IDH3A: variants seen among roughly 807,000 people sequenced by gnomAD.
IDH3A encodes isocitrate dehydrogenase [NAD] subunit alpha, mitochondrial.
IDH3A carries 23 observed loss-of-function variants against 43.3 expected under a neutral mutation model. That is an observed-to-expected ratio of 0.53 (90% CI 0.38 to 0.75). The LOEUF (loss-of-function observed/expected upper bound fraction) is 0.75, where lower values mean the gene tolerates loss of function less well. Among genes scored for constraint, IDH3A ranks in the 30% least tolerant of loss-of-function variants. The pLI is 0.00. For missense variants in IDH3A, 329 were observed against 474.4 expected, an observed-to-expected ratio of 0.69 and a Z score of 2.85; for synonymous variants, 154 against 163.5, an observed-to-expected ratio of 0.94 and a Z score of 0.44.
intron 9 of IDH3A, among the ~76,000 whole-genome samples, chr15:78,165,941 G>A (rs1263092327): frequency 3.3e-5 from 5 of 152,078 alleles, no homozygotes; most frequent in Admixed American, 2.0e-4. Flanking sequence ...TTCTTGCCTT[G>A]GCCTATCAAC....
At chr15:78,153,951 A>G (rs2074601243) in intron 1 of IDH3A, among the ~76,000 whole-genome samples, 1 of 152,146 alleles carries the variant, frequency 6.6e-6, no homozygotes, top group African/African-American at 2.4e-5. Context: ...TGGTGGTTGC[A>G]GTGAGCCGAG....
intron 3 of IDH3A, among the ~76,000 whole-genome samples, chr15:78,158,400 G>T (rs2074644582): frequency 7.7e-6 from 1 of 129,046 alleles, no homozygotes; most frequent in Non-Finnish European, 1.6e-5. Flanking sequence ...AGGGATGCTT[G>T]TTTATACCTC....
At chr15:78,154,364 A>T (rs2074607354) in intron 1 of IDH3A, 1 of 152,182 alleles carries the variant, frequency 6.6e-6, no homozygotes, top group African/African-American at 2.4e-5. Flanking sequence ...TCTGTATGGC[A>T]TGGGCATCAG....
In IDH3A at chr15:78,169,088, A is replaced by G. The variant is rs922790097; in HGVS notation, c.*83A>G. The stretch of plus-strand genomic sequence containing the variant: ...GTTTAGAATACCTACGTATGTATGC[A>G]TTGGTTTGCTTGTTTCTTGACAGTA... On this transcript the variant is annotated 3_prime_UTR_variant, in exon 11 of 11. Transcript: ENST00000299518. 3.8e-6 allele frequency: 3 copies of G among 792,738 alleles called. No individual in the cohort carries two copies. The highest frequency in any genetic ancestry group is 4.1e-6 in the Non-Finnish European group (2 of 489,428). 49.1% of individuals were successfully genotyped at this position (792,738 alleles called of 1,614,324 possible).
chr15:78,171,673 C>A lies in IDH3A; in HGVS notation c.*2668C>A, dbSNP rs139852452. The A allele has an allele frequency of 1.1e-5, 7 of 639,272 alleles. No homozygotes were observed. Among genetic ancestry groups the A allele is most frequent in the East Asian group, 8.7e-5 (3 of 34,672 alleles). The allele number at this position is 639,272 out of a possible 1,614,324, so 39.6% of individuals were successfully genotyped here. On this transcript the variant is annotated 3_prime_UTR_variant, in exon 11 of 11. Transcript: ENST00000299518. ...GACCGTCAGTAGCCAGCCTCCAAGA[C>A]AGTGATCGCTCCTGGTATTCATATG... is the stretch of plus-strand genomic sequence containing the variant.
chr15:78,154,912 T>C, intron 1 of IDH3A: 1 of 235,998 alleles, frequency 4.2e-6, no homozygotes, highest in Non-Finnish European at 8.1e-6. Context: ...AGAATCTGTA[T>C]GTTGAGCTGA....
intron 2 of IDH3A, among the ~76,000 whole-genome samples, chr15:78,156,366 C>T (rs1596376226): frequency 6.6e-6 from 1 of 152,042 alleles, no homozygotes; most frequent in Non-Finnish European, 1.5e-5. Context: ...TTAGCCCTGG[C>T]TAAGACTGAG....
chr15:78,151,578 GA>G (rs2074575897), intron 1 of IDH3A: 1 of 142,802 alleles, frequency 7.0e-6, no homozygotes, highest in Admixed American at 6.9e-5. Context: ...AAAAAAAAAA[GA>G]TTTTTTTTTT....
intron 2 of IDH3A, among the ~76,000 whole-genome samples, chr15:78,156,397 CAGGAGTTCG>C (rs2074623477): frequency 6.6e-6 from 1 of 152,048 alleles, no homozygotes; most frequent in Non-Finnish European, 1.5e-5. Context: ...TGCTTAAGGC[CAGGAGTTCG>C]AGGCTGCAGT....
intron 8 of IDH3A, among the ~76,000 whole-genome samples, chr15:78,164,185 C>A (rs1292319949): frequency 1.3e-5 from 2 of 152,048 alleles, no homozygotes; most frequent in Non-Finnish European, 2.9e-5. Flanking sequence ...GTACTCAGCA[C>A]CCTGATTCCA....
At chr15:78,153,057 T>C (rs1411186615) in intron 1 of IDH3A, among the ~76,000 whole-genome samples, 1 of 152,102 alleles carries the variant, frequency 6.6e-6, no homozygotes, top group African/African-American at 2.4e-5. Flanking sequence ...GCAGGTAGGA[T>C]GGGTTTACAT....
At chr15:78,152,946 A>C (rs769664942) in intron 1 of IDH3A, among the ~76,000 whole-genome samples, 7 of 151,868 alleles carry the variant, frequency 4.6e-5, no homozygotes, top group Admixed American at 1.3e-4. Flanking sequence ...AAATTATTGA[A>C]TACCTTCTAT....
intron 9 of IDH3A, 117 bp downstream of exon 9, chr15:78,165,193 TG>T: frequency 4.4e-5 from 29 of 656,176 alleles, no homozygotes; most frequent in South Asian, 1.5e-4. Flanking sequence ...AACAAAATGA[TG>T]CTTTTTTTTT....
rs3087998 is a variant in IDH3A at position 78,170,176 on chromosome 15, C to T, written c.*1171C>T. 35,699 of 152,066 alleles carry T rather than the reference C, an allele frequency of 0.23. 4,919 individuals carry two copies. Among genetic ancestry groups the T allele is most frequent in the Non-Finnish European group, 0.32 (21,786 of 67,974 alleles). The allele number at this position is 152,066 out of a possible 1,614,324, so 9.4% of individuals were successfully genotyped here. A position where few individuals can be genotyped will look rare whatever the true frequency, so the allele number is the denominator to read the frequency against. On this transcript the variant is annotated 3_prime_UTR_variant, in exon 11 of 11. Transcript: ENST00000299518. ...CTTTTGACCCTCAGGCATCTCCTTTCCCTTCCTGTCTTCCTCTCCCTTCTC... is the reference window on the plus strand; with the variant it reads ...CTTTTGACCCTCAGGCATCTCCTTTTCCTTCCTGTCTTCCTCTCCCTTCTC...
At chr15:78,166,992 C>G (rs1344691055) in intron 10 of IDH3A, among the ~76,000 whole-genome samples, 1 of 152,098 alleles carries the variant, frequency 6.6e-6, no homozygotes, top group East Asian at 1.9e-4. Context: ...GTTGAGTGTA[C>G]CTTATAAGGT....
chr15:78,153,259 C>T (rs2074594422), intron 1 of IDH3A, among the ~76,000 whole-genome samples: 1 of 152,228 alleles, frequency 6.6e-6, no homozygotes, highest in Admixed American at 6.5e-5. Context: ...TGTGCACCAC[C>T]ATACCTGGCT....
chr15:78,153,475 C>T (rs1219206801), intron 1 of IDH3A, among the ~76,000 whole-genome samples: 1 of 152,188 alleles, frequency 6.6e-6, no homozygotes, highest in Non-Finnish European at 1.5e-5. Flanking sequence ...GAATCATGCC[C>T]TAGGATTAAC....
intron 8 of IDH3A, 37 bp from the exon 9 acceptor site, chr15:78,164,955 T>G: frequency 6.5e-7 from 1 of 1,548,636 alleles, no homozygotes; most frequent in Non-Finnish European, 8.9e-7. Flanking sequence ...ATGTTTTATT[T>G]TTAAAAACAT....
At chr15:78,162,837 C>T (rs1399707828) in intron 6 of IDH3A, among the ~76,000 whole-genome samples, 1 of 152,138 alleles carries the variant, frequency 6.6e-6, no homozygotes, top group African/African-American at 2.4e-5. Flanking sequence ...TGAGCCTCTG[C>T]GCCCGGCCTG....
Sources: allele counts gnomAD v4.1 joint callset (sites outside exome capture counted in the v4.1 genomes callset), GRCh38; gene constraint gnomAD v4.1.1; transcripts MANE v1.5; gene names NCBI Gene and HGNC (gene_info 2026-07-23, HGNC 2026-07-21).